The following EPHA6 variants were observed in gnomAD, a reference collection of about 807,000 sequenced individuals.
EPHA6 encodes the protein ephrin type-A receptor 6.
A neutral mutation model predicts 112.0 loss-of-function variants in EPHA6; 50 were observed. The observed-to-expected ratio is 0.45, with a 90% confidence interval of 0.36 to 0.56. The LOEUF is 0.56. Ranked by LOEUF, EPHA6 falls within the 20% of genes least tolerant of loss-of-function variation. The pLI, the probability that EPHA6 is intolerant of heterozygous loss-of-function variation, is 0.00. For missense variants in EPHA6, 1,280 were observed against 1,417.4 expected (o/e 0.90, Z 1.56); for synonymous variants, 529 against 490.7 (o/e 1.08, Z -1.03).
At chr3:97,682,155 A>G (rs771365414) in intron 14 of EPHA6, among the ~76,000 whole-genome samples, 3 of 152,028 alleles carry the variant, frequency 2.0e-5, no homozygotes, top group African/African-American at 7.2e-5. Context: ...AATTAAGTCT[A>G]CTTCTTTCCC....
At chr3:97,509,022 T>TTTTTTTTTTG (rs2092314082) in intron 10 of EPHA6, among the ~76,000 whole-genome samples, 1 of 127,392 alleles carries the variant, frequency 7.8e-6, no homozygotes, top group African/African-American at 3.2e-5. Flanking sequence ...TTTTTTTTTT[T>TTTTTTTTTTG]GCTTTCCATT....
chr3:96,989,202 A>G (rs1465106557), intron 3 of EPHA6, among the ~76,000 whole-genome samples: 2 of 152,134 alleles, frequency 1.3e-5, no homozygotes, highest in African/African-American at 4.8e-5. Flanking sequence ...GTCATGGATA[A>G]TATATGTGAA....
chr3:97,291,565 C>T (rs1348534357), intron 5 of EPHA6, among the ~76,000 whole-genome samples: 1 of 151,942 alleles, frequency 6.6e-6, no homozygotes, highest in Non-Finnish European at 1.5e-5. Context: ...ATATTTTGTT[C>T]TAAAATAATT....
chr3:96,905,743 T>A (rs937324929), intron 2 of EPHA6, among the ~76,000 whole-genome samples: 2 of 151,752 alleles, frequency 1.3e-5, no homozygotes, highest in African/African-American at 4.8e-5. Flanking sequence ...TCACCAAGAG[T>A]GACAATATCT....
rs5011518 is a variant in EPHA6 at position 97,586,724 on chromosome 3, G to A, written c.2387-5888G>A. On this transcript the variant is annotated intron_variant, in intron 11 of 17. Transcript: ENST00000389672. ...ATAGATGATGGATGGATGGATGGAT[G>A]GATAGACAGACAGACAGACAGACAG... Among the ~76,000 whole-genome samples the A allele has an allele frequency of 1.9e-4, 22 of 117,198 alleles. No homozygotes were observed. In the East Asian group the frequency reaches 3.5e-3, roughly 19 times the overall value. The allele number at this position is 117,198 out of a possible 152,430, so 76.9% of individuals were successfully genotyped here.
chr3:97,396,282 C>T (rs973606027), intron 5 of EPHA6, among the ~76,000 whole-genome samples: 4 of 149,188 alleles, frequency 2.7e-5, no homozygotes, highest in African/African-American at 4.9e-5. Context: ...ACAATGAGCA[C>T]GTGCACACGC....
chr3:97,641,207 C>G (rs1436451376), intron 14 of EPHA6, among the ~76,000 whole-genome samples: 1 of 152,118 alleles, frequency 6.6e-6, no homozygotes, highest in Non-Finnish European at 1.5e-5. Flanking sequence ...TATTCTGTCT[C>G]AAAGGCAAGA....
At position 97,102,135 on chromosome 3, in the gene EPHA6, A is replaced by C. The variant is rs527982085; in HGVS notation, c.1114+114142A>C. 4.1e-4 allele frequency among the ~76,000 whole-genome samples: 62 copies of C among 152,166 alleles called. 1 individual carries two copies. Among genetic ancestry groups the C allele is most frequent in the Non-Finnish European group, 7.4e-4 (50 of 67,986 alleles). Reference sequence around the variant, plus strand: ...GGAGGCACTGAGCCGCCATATAAGAAACACTCATAGCTTGTGAGCTGCATG... The same window carrying C: ...GGAGGCACTGAGCCGCCATATAAGACACACTCATAGCTTGTGAGCTGCATG... On this transcript the variant is annotated intron_variant, in intron 3 of 17. Transcript: ENST00000389672.
intron 6 of EPHA6, among the ~76,000 whole-genome samples, chr3:97,405,817 CA>C (rs2087303475): frequency 6.6e-6 from 1 of 152,076 alleles, no homozygotes; most frequent in Non-Finnish European, 1.5e-5. Context: ...ATTCAGTTGA[CA>C]AATCCTTATT....
chr3:96,888,270 C>T (rs2037751537), intron 2 of EPHA6, among the ~76,000 whole-genome samples: 1 of 152,152 alleles, frequency 6.6e-6, no homozygotes, highest in Admixed American at 6.5e-5. Flanking sequence ...TACTGCTTCC[C>T]CTACCACTGT....
chr3:97,193,060 A>C (rs1419714530), intron 3 of EPHA6, among the ~76,000 whole-genome samples: 7 of 152,112 alleles, frequency 4.6e-5, no homozygotes, highest in Admixed American at 4.6e-4. Context: ...TATAACCTGG[A>C]GTCAGGTAAT....
At chr3:97,549,302 A>C (rs1413093454) in intron 11 of EPHA6, among the ~76,000 whole-genome samples, 3 of 152,226 alleles carry the variant, frequency 2.0e-5, no homozygotes, top group African/African-American at 4.8e-5. Flanking sequence ...CTAAATGTGC[A>C]AAATCCACTG....
At chr3:97,426,140 T>C (rs1229790407) in intron 6 of EPHA6, among the ~76,000 whole-genome samples, 3 of 152,168 alleles carry the variant, frequency 2.0e-5, no homozygotes, top group African/African-American at 4.8e-5. Flanking sequence ...CTTTACACCA[T>C]CACCCCACTA....
rs193056341 is a variant in EPHA6 at position 97,542,331 on chromosome 3, G to A, written c.2386+9788G>A. Reference sequence around the variant, plus strand: ...CATTGTTCAATTCCCACCTATGAGCGAGAGCATGCGGTGTTTGGTTTTTTG... The same window carrying A: ...CATTGTTCAATTCCCACCTATGAGCAAGAGCATGCGGTGTTTGGTTTTTTG... On this transcript the variant is annotated intron_variant, in intron 11 of 17. Coordinates refer to ENST00000389672, the MANE Select transcript of EPHA6 (RefSeq NM_001080448.3). 1.2e-3 allele frequency among the ~76,000 whole-genome samples: 186 copies of A among 152,176 alleles called. 2 individuals carry two copies. The highest frequency in any genetic ancestry group is 4.3e-3 in the African/African-American group (177 of 41,510).
chr3:97,691,930 A>G (rs1260942304), intron 14 of EPHA6, among the ~76,000 whole-genome samples: 1 of 152,166 alleles, frequency 6.6e-6, no homozygotes, highest in Non-Finnish European at 1.5e-5. Context: ...CTAAAACCAG[A>G]GAAGAGCAGT....
intron 5 of EPHA6, among the ~76,000 whole-genome samples, chr3:97,259,220 G>T: frequency 6.6e-6 from 1 of 151,788 alleles, no homozygotes; most frequent in South Asian, 2.1e-4. Flanking sequence ...CACTATATCT[G>T]GTTCAAGTTG....
intron 2 of EPHA6, among the ~76,000 whole-genome samples, chr3:96,868,879 A>C (rs1332301886): frequency 2.0e-5 from 3 of 152,004 alleles, no homozygotes; most frequent in Non-Finnish European, 4.4e-5. Context: ...TCATTCCACT[A>C]GTAATATCAT....
At chr3:96,826,218 A>G (rs2033649102) in intron 1 of EPHA6, among the ~76,000 whole-genome samples, 1 of 152,022 alleles carries the variant, frequency 6.6e-6, no homozygotes, top group Non-Finnish European at 1.5e-5. Context: ...TAGATTATTT[A>G]CTTAGGCTGT....
chr3:97,363,840 C>A (rs142369783), intron 5 of EPHA6, among the ~76,000 whole-genome samples: 40 of 152,174 alleles, frequency 2.6e-4, no homozygotes, highest in Non-Finnish European at 4.3e-4. Flanking sequence ...GAAGGAAATT[C>A]TTACACATGC....
Sources: allele counts gnomAD v4.1 joint callset (sites outside exome capture counted in the v4.1 genomes callset), GRCh38; gene constraint gnomAD v4.1.1; transcripts MANE v1.5; gene names NCBI Gene and HGNC (gene_info 2026-07-23, HGNC 2026-07-21).